The following NPAS3 variants were observed in gnomAD, a reference collection of about 807,000 sequenced individuals.
NPAS3 encodes the protein neuronal PAS domain protein 3, also known as neuronal PAS domain-containing protein 3.
Under a neutral mutation model 73.1 loss-of-function variants are expected in NPAS3, and 14 were observed. The observed-to-expected ratio is 0.19, with a 90% CI of 0.13 to 0.30. NPAS3 has a LOEUF of 0.30. Ranked by LOEUF, NPAS3 falls within the 10% of genes least tolerant of loss-of-function variation. The pLI is 1.00. For synonymous variants in NPAS3, 620 were observed against 541.5 expected, an observed-to-expected ratio of 1.14 and a Z score of -2.01; for missense variants, 1,096 against 1,250.0, an observed-to-expected ratio of 0.88 and a Z score of 1.86.
At chr14:33,000,287 G>A (rs1242698176) in intron 1 of NPAS3, among the ~76,000 whole-genome samples, 1 of 152,088 alleles carries the variant, frequency 6.6e-6, no homozygotes, top group African/African-American at 2.4e-5. Flanking sequence ...AATGACTATT[G>A]CCAAAATGTG....
At chr14:33,581,386 C>A (rs2056656169) in intron 5 of NPAS3, among the ~76,000 whole-genome samples, 1 of 152,092 alleles carries the variant, frequency 6.6e-6, no homozygotes, top group Non-Finnish European at 1.5e-5. Context: ...ATTACAAAAG[C>A]ATCAAATTCA....
chr14:33,713,673 G>T (rs951602584), intron 6 of NPAS3, among the ~76,000 whole-genome samples: 1 of 152,194 alleles, frequency 6.6e-6, no homozygotes, highest in Non-Finnish European at 1.5e-5. Flanking sequence ...CTGCACTGCG[G>T]CAGCAGCCTC....
At chr14:33,736,109 G>A (rs1185390005) in intron 7 of NPAS3, among the ~76,000 whole-genome samples, 1 of 152,178 alleles carries the variant, frequency 6.6e-6, no homozygotes, top group African/African-American at 2.4e-5. Flanking sequence ...CTGTGGGAGG[G>A]CAAACGGAAA....
chr14:33,172,297 C>T (rs942176851), intron 2 of NPAS3, among the ~76,000 whole-genome samples: 10 of 152,232 alleles, frequency 6.6e-5, no homozygotes, highest in Middle Eastern at 6.8e-3. Flanking sequence ...CACAGTGAAG[C>T]GAAATGCAGT....
chr14:33,711,777 C>G (rs539555554), intron 6 of NPAS3, among the ~76,000 whole-genome samples: 1 of 152,186 alleles, frequency 6.6e-6, no homozygotes, highest in African/African-American at 2.4e-5. Context: ...AGATTCCTAC[C>G]AGGGTCACTC....
intron 4 of NPAS3, among the ~76,000 whole-genome samples, chr14:33,408,667 T>G (rs1232063468): frequency 6.6e-6 from 1 of 152,204 alleles, no homozygotes; most frequent in Non-Finnish European, 1.5e-5. Flanking sequence ...GCAGCACATG[T>G]GGGGTGCCAG....
intron 9 of NPAS3, among the ~76,000 whole-genome samples, chr14:33,784,745 A>ATTTTTTTTTTTTTTTTTTTTTTTTTTTTT (rs1226491375): frequency 1.4e-5 from 1 of 73,838 alleles, no homozygotes; most frequent in African/African-American, 6.3e-5. Context: ...TTATTTATTT[A>ATTTTTTTTTTTTTTTTTTTTTTTTTTTTT]TTTTTTTTTT....
intron 1 of NPAS3, among the ~76,000 whole-genome samples, chr14:33,042,406 A>T (rs1368870672): frequency 6.6e-6 from 1 of 152,228 alleles, no homozygotes; most frequent in African/African-American, 2.4e-5. Context: ...GAATATGTTC[A>T]ACAAGGACTT....
In NPAS3 at chr14:33,344,520, C is replaced by A. The variant is rs139379889; in HGVS notation, c.386-22666C>A. Among the ~76,000 whole-genome samples, 993 of 152,268 alleles carry A rather than the reference C, an allele frequency of 6.5e-3. 10 individuals carry two copies. Among genetic ancestry groups the A allele is most frequent in the African/African-American group, 0.023 (940 of 41,548 alleles). Reference sequence around the variant, plus strand: ...AACCATATCTCTTTTTATTCCTAATCATTTCCTTAACACCAACTGAGTCTC... The same window carrying A: ...AACCATATCTCTTTTTATTCCTAATAATTTCCTTAACACCAACTGAGTCTC... On this transcript the variant is annotated intron_variant, in intron 3 of 11. Transcript: ENST00000356141.
At chr14:33,673,573 G>GTGA (rs1261574796) in intron 5 of NPAS3, among the ~76,000 whole-genome samples, 1 of 152,174 alleles carries the variant, frequency 6.6e-6, no homozygotes, top group Admixed American at 6.5e-5. Flanking sequence ...CATGTTTGCG[G>GTGA]TGATTACTTC....
intron 6 of NPAS3, among the ~76,000 whole-genome samples, chr14:33,696,966 T>G (rs2060400979): frequency 6.6e-6 from 1 of 152,164 alleles, no homozygotes; most frequent in South Asian, 2.1e-4. Flanking sequence ...CTCCACAAAT[T>G]TATGAACTAC....
At chr14:32,972,349 T>C (rs1314529954) in intron 1 of NPAS3, among the ~76,000 whole-genome samples, 1 of 152,192 alleles carries the variant, frequency 6.6e-6, no homozygotes, top group African/African-American at 2.4e-5. Context: ...TTAAGCCTTA[T>C]TAAGGAATGA....
chr14:33,402,448 T>C (rs1339348673), intron 4 of NPAS3, among the ~76,000 whole-genome samples: 1 of 152,034 alleles, frequency 6.6e-6, no homozygotes, highest in Non-Finnish European at 1.5e-5. Flanking sequence ...CTCGGATGAA[T>C]TGAATGGTGT....
chr14:33,721,275 TGTTAGAGAAAAG>T lies in NPAS3; in HGVS notation c.734-13935_734-13924del, dbSNP rs572962305. Among the ~76,000 whole-genome samples the T allele has an allele frequency of 2.0e-4, 30 of 152,260 alleles. 1 individual carries two copies. In the South Asian group the frequency reaches 6.0e-3, roughly 31 times the overall value. On this transcript the variant is annotated intron_variant, in intron 6 of 11. Coordinates refer to ENST00000356141, the Ensembl canonical transcript of NPAS3. Reference sequence around the variant, plus strand: ...CTTACCTGGTCGGGGAGAGGTATTCTGTTAGAGAAAAGGTTGTAGATATTGGTTGTTGGCGTC... The same window carrying T: ...CTTACCTGGTCGGGGAGAGGTATTCTGTTGTAGATATTGGTTGTTGGCGTC...
intron 1 of NPAS3, among the ~76,000 whole-genome samples, chr14:33,008,072 G>A (rs1316799301): frequency 6.6e-6 from 1 of 152,168 alleles, no homozygotes; most frequent in Non-Finnish European, 1.5e-5. Flanking sequence ...TAATTAGGAT[G>A]TATACTTAAT....
At chr14:33,483,141 C>A (rs1468161379) in intron 4 of NPAS3, among the ~76,000 whole-genome samples, 6 of 152,066 alleles carry the variant, frequency 3.9e-5, no homozygotes, top group African/African-American at 1.2e-4. Context: ...GAGCTGATAG[C>A]CAATTCAGGC....
At chr14:33,605,409 A>AC (rs1491490427) in intron 5 of NPAS3, among the ~76,000 whole-genome samples, 1 of 145,530 alleles carries the variant, frequency 6.9e-6, no homozygotes, top group Admixed American at 7.0e-5. Flanking sequence ...AAAAAAAAAA[A>AC]ACACAAACCT....
At chr14:33,153,077 T>C (rs1030883634) in intron 2 of NPAS3, among the ~76,000 whole-genome samples, 2 of 152,142 alleles carry the variant, frequency 1.3e-5, no homozygotes, top group African/African-American at 4.8e-5. Flanking sequence ...TTTTTTGTTC[T>C]CTGAATTTTC....
intron 3 of NPAS3, among the ~76,000 whole-genome samples, chr14:33,251,181 A>G (rs916493376): frequency 2.0e-5 from 3 of 152,080 alleles, no homozygotes; most frequent in African/African-American, 7.2e-5. Context: ...GAAGCCATCA[A>G]TCTCGCTTAT....
Sources: gnomAD v4.1 joint callset for allele counts (sites outside exome capture counted in the v4.1 genomes callset) on GRCh38, gnomAD v4.1.1 for gene constraint, MANE v1.5 for transcripts, NCBI Gene and HGNC (gene_info 2026-07-23, HGNC 2026-07-21) for gene names.